Variants in ZNF385D observed in about 807,000 individuals in gnomAD.
ZNF385D encodes the protein zinc finger protein 659.
A neutral mutation model predicts 35.8 loss-of-function variants in ZNF385D; 15 were observed. That is an observed-to-expected ratio of 0.42 (90% CI 0.28 to 0.64). The LOEUF (loss-of-function observed/expected upper bound fraction) is 0.64, where lower values mean the gene tolerates loss of function less well. Among genes scored for constraint, ZNF385D ranks in the 30% least tolerant of loss-of-function variants. The probability of loss-of-function intolerance (pLI) is 0.23; values close to 1 mark genes in which losing one functional copy is unlikely to be tolerated. For missense variants in ZNF385D, 474 were observed against 494.6 expected, an observed-to-expected ratio of 0.96 and a Z score of 0.39; for synonymous variants, 212 against 186.8, an observed-to-expected ratio of 1.13 and a Z score of -1.10.
At chr3:22,325,793 C>A (rs1282276411) in intron 2 of ZNF385D, among the ~76,000 whole-genome samples, 2 of 151,966 alleles carry the variant, frequency 1.3e-5, no homozygotes. Context: ...AGCCATCTTT[C>A]CTTCTCTTTG....
rs1700707329 is a variant in ZNF385D, at chr3:21,420,992, T to C, written c.*222A>G. 3.7e-6 allele frequency: 2 copies of C among 537,908 alleles called. No individual in the cohort carries two copies. Among genetic ancestry groups the C allele is most frequent in the Non-Finnish European group, 3.3e-6 (1 of 301,308 alleles). 33.3% of individuals were successfully genotyped at this position (537,908 alleles called of 1,614,324 possible). A position where few individuals can be genotyped will look rare whatever the true frequency, so the allele number is the denominator to read the frequency against. ...ATGCTGGAGATCACTTCTAAAACAA[T>C]CAGCGTTCAAGAGGAATGCTTTAAT... On this transcript the variant is annotated 3_prime_UTR_variant, in exon 8 of 8. Coordinates refer to ENST00000281523, the MANE Select transcript of ZNF385D (RefSeq NM_024697.3).
At chr3:22,360,243 T>C (rs1426715483) in intron 2 of ZNF385D, among the ~76,000 whole-genome samples, 3 of 152,002 alleles carry the variant, frequency 2.0e-5, no homozygotes, top group African/African-American at 7.2e-5. Flanking sequence ...CTTTAAAACG[T>C]GTGCCTGGTA....
chr3:21,819,131 A>T (rs939863911), intron 3 of ZNF385D, among the ~76,000 whole-genome samples: 2 of 151,984 alleles, frequency 1.3e-5, no homozygotes, highest in African/African-American at 4.8e-5. Flanking sequence ...TAAGTGCTTT[A>T]ATCACTAAAA....
intron 3 of ZNF385D, among the ~76,000 whole-genome samples, chr3:22,112,558 A>G (rs1412370333): frequency 1.3e-5 from 2 of 152,124 alleles, no homozygotes; most frequent in South Asian, 2.1e-4. Flanking sequence ...CAGTTTTGTA[A>G]TTATCCACAT....
intron 3 of ZNF385D, among the ~76,000 whole-genome samples, chr3:21,981,560 CAATT>C (rs1369888292): frequency 6.6e-6 from 1 of 152,102 alleles, no homozygotes; most frequent in African/African-American, 2.4e-5. Context: ...ATGCTCTTAA[CAATT>C]AATCAGATCC....
At chr3:21,614,665 T>G (rs2064790223) in intron 2 of ZNF385D, among the ~76,000 whole-genome samples, 1 of 152,198 alleles carries the variant, frequency 6.6e-6, no homozygotes, top group Non-Finnish European at 1.5e-5. Context: ...CTCGGCTCAC[T>G]ACAACCTCTG....
chr3:22,219,737 T>C (rs1698137706), intron 2 of ZNF385D, among the ~76,000 whole-genome samples: 2 of 152,200 alleles, frequency 1.3e-5, no homozygotes, highest in African/African-American at 4.8e-5. Flanking sequence ...AATTCAAATA[T>C]GTGATTTATA....
At chr3:22,088,971 A>G (rs1701181569) in intron 3 of ZNF385D, among the ~76,000 whole-genome samples, 1 of 152,214 alleles carries the variant, frequency 6.6e-6, no homozygotes, top group South Asian at 2.1e-4. Context: ...CACTCTTAAA[A>G]GATTTAATTG....
chr3:22,091,047 G>T (rs1271145767), intron 3 of ZNF385D, among the ~76,000 whole-genome samples: 1 of 152,090 alleles, frequency 6.6e-6, no homozygotes, highest in African/African-American at 2.4e-5. Context: ...TGTGGGAGTG[G>T]ATTCAACAGG....
chr3:21,730,136 T>A (rs1218786690), intron 1 of ZNF385D, among the ~76,000 whole-genome samples: 2 of 152,206 alleles, frequency 1.3e-5, no homozygotes, highest in Non-Finnish European at 1.5e-5. Flanking sequence ...TTGACCATGG[T>A]CTTTCACCTA....
At chr3:22,062,431 G>A (rs573705618) in intron 3 of ZNF385D, among the ~76,000 whole-genome samples, 1 of 152,202 alleles carries the variant, frequency 6.6e-6, no homozygotes, top group Admixed American at 6.6e-5. Context: ...CACTTTAAAT[G>A]AGCAAGTCTA....
At chr3:22,130,987 G>A (rs1703750645) in intron 3 of ZNF385D, among the ~76,000 whole-genome samples, 1 of 151,672 alleles carries the variant, frequency 6.6e-6, no homozygotes, top group South Asian at 2.1e-4. Context: ...ACAGATCCAG[G>A]CTAAAAAAAA....
At chr3:22,004,831 G>C (rs140216935) in intron 3 of ZNF385D, among the ~76,000 whole-genome samples, 1 of 152,124 alleles carries the variant, frequency 6.6e-6, no homozygotes, top group African/African-American at 2.4e-5. Context: ...CCACCTTTCA[G>C]GACTGAACAA....
At chr3:22,185,106 A>G (rs903183556) in intron 2 of ZNF385D, among the ~76,000 whole-genome samples, 1 of 152,170 alleles carries the variant, frequency 6.6e-6, no homozygotes, top group Non-Finnish European at 1.5e-5. Flanking sequence ...TCTATAATCT[A>G]CCAATGAGAG....
At chr3:22,126,269 T>C (rs956716114) in intron 3 of ZNF385D, among the ~76,000 whole-genome samples, 9 of 151,198 alleles carry the variant, frequency 6.0e-5, no homozygotes, top group South Asian at 4.2e-4. Context: ...TCCCACATTG[T>C]GGGATTTAAG....
At chr3:22,329,854 AG>A in intron 2 of ZNF385D, among the ~76,000 whole-genome samples, 1 of 152,316 alleles carries the variant, frequency 6.6e-6, no homozygotes, top group South Asian at 2.1e-4. Context: ...TTATTGAGAT[AG>A]CTTTTTTTGA....
intron 1 of ZNF385D, among the ~76,000 whole-genome samples, chr3:21,690,951 C>T (rs750470276): frequency 6.6e-6 from 1 of 152,176 alleles, no homozygotes; most frequent in African/African-American, 2.4e-5. Flanking sequence ...GGAACTCTGG[C>T]GTTCTACCCT....
intron 2 of ZNF385D, among the ~76,000 whole-genome samples, chr3:22,299,309 C>T (rs1236765012): frequency 6.6e-6 from 1 of 151,634 alleles, no homozygotes; most frequent in Non-Finnish European, 1.5e-5. Context: ...TAAAGAAATG[C>T]ACTCTTAAAT....
intron 2 of ZNF385D, among the ~76,000 whole-genome samples, chr3:21,590,067 T>C (rs970063223): frequency 2.0e-5 from 3 of 152,104 alleles, no homozygotes; most frequent in Admixed American, 6.6e-5. Context: ...TTAACAGAAG[T>C]CTTTGTAACA....
Sources: gnomAD v4.1 joint callset for allele counts (sites outside exome capture counted in the v4.1 genomes callset) on GRCh38, gnomAD v4.1.1 for gene constraint, MANE v1.5 for transcripts, NCBI Gene and HGNC (gene_info 2026-07-23, HGNC 2026-07-21) for gene names.